Variants in DPP10 observed in about 807,000 individuals in gnomAD.
DPP10 encodes the protein inactive dipeptidyl peptidase 10.
In DPP10, 33 loss-of-function variants were observed where a neutral mutation model predicts 120.9. The ratio of observed to expected loss-of-function variants is 0.27; its 90% CI spans 0.21 to 0.37. The LOEUF (loss-of-function observed/expected upper bound fraction) is 0.37, where lower values mean the gene tolerates loss of function less well. Among genes scored for constraint, DPP10 ranks in the 10% least tolerant of loss-of-function variants. DPP10 has a pLI of 1.00. For missense variants in DPP10, 816 were observed against 942.8 expected (o/e 0.87, Z 1.76); for synonymous variants, 337 against 326.1 (o/e 1.03, Z -0.36).
chr2:114,462,142 T>C, intron 1 of DPP10: 4 of 985,382 alleles, frequency 4.1e-6, no homozygotes, highest in Non-Finnish European at 4.8e-6. Context: ...TAACACCAGG[T>C]AATTTTCTTT....
chr2:115,581,930 C>G (rs2082023090), intron 5 of DPP10, among the ~76,000 whole-genome samples: 2 of 152,252 alleles, frequency 1.3e-5, no homozygotes, highest in South Asian at 4.1e-4. Flanking sequence ...TCTGTAGCAA[C>G]TCTATTCTTG....
chr2:115,145,147 A>T (rs1051824220), intron 1 of DPP10: 4 of 150,958 alleles, frequency 2.6e-5, no homozygotes, highest in Admixed American at 2.6e-4. Flanking sequence ...GTGTGTCAGA[A>T]AAAAAAAAGA....
intron 5 of DPP10, among the ~76,000 whole-genome samples, chr2:115,677,997 G>C (rs568971506): frequency 3.3e-5 from 5 of 152,098 alleles, no homozygotes; most frequent in Non-Finnish European, 5.9e-5. Context: ...ATATTATTTA[G>C]CATTAATTAT....
At chr2:115,331,289 C>T (rs1008913210) in intron 2 of DPP10, among the ~76,000 whole-genome samples, 1 of 152,136 alleles carries the variant, frequency 6.6e-6, no homozygotes, top group Non-Finnish European at 1.5e-5. Context: ...TGAGATTTTG[C>T]TGAAGTTGCT....
chr2:114,741,830 C>G (rs1483199407), intron 1 of DPP10, among the ~76,000 whole-genome samples: 1 of 152,134 alleles, frequency 6.6e-6, no homozygotes, highest in Non-Finnish European at 1.5e-5. Flanking sequence ...CTGAAAGAGG[C>G]AAGAAAGGAT....
In DPP10 at chr2:114,599,976, A is replaced by G; in HGVS notation, c.60+157138A>G. ...TTTTATAAATTTGTCTTTTGTTTTT[A>G]GAAATATGACTATTATGTATCTAGG... On this transcript the variant is annotated intron_variant, in intron 1 of 25. Transcript: ENST00000410059. Among the ~76,000 whole-genome samples, 5 of 151,828 alleles carry G rather than the reference A, an allele frequency of 3.3e-5. No individual in the cohort carries two copies. In the South Asian group the frequency reaches 1.0e-3, roughly 31 times the overall value.
At chr2:115,741,129 CA>C (rs572027048) in intron 9 of DPP10, among the ~76,000 whole-genome samples, 29 of 151,360 alleles carry the variant, frequency 1.9e-4, no homozygotes, top group Non-Finnish European at 3.7e-4. Flanking sequence ...TATCCAAAGG[CA>C]AAAAAAGGAG....
At chr2:115,118,689 C>T (rs1559116196) in intron 1 of DPP10, among the ~76,000 whole-genome samples, 3 of 152,132 alleles carry the variant, frequency 2.0e-5, no homozygotes, top group African/African-American at 7.2e-5. Flanking sequence ...AAGCAATTCT[C>T]CTGCCTCAGT....
intron 5 of DPP10, among the ~76,000 whole-genome samples, chr2:115,535,216 G>C: frequency 6.6e-6 from 1 of 151,482 alleles, no homozygotes; most frequent in East Asian, 1.9e-4. Flanking sequence ...GTATTGCCTA[G>C]GTTTTCTTCT....
chr2:114,609,424 G>C (rs1258388511), intron 1 of DPP10, among the ~76,000 whole-genome samples: 1 of 152,124 alleles, frequency 6.6e-6, no homozygotes, highest in African/African-American at 2.4e-5. Flanking sequence ...CTGTAGGGAA[G>C]CCTGGGATGG....
chr2:114,990,651 T>C (rs534160969), intron 1 of DPP10, among the ~76,000 whole-genome samples: 2 of 152,330 alleles, frequency 1.3e-5, no homozygotes, highest in East Asian at 3.9e-4. Context: ...GTATTTATTT[T>C]TCTCTTTCCT....
chr2:114,929,836 C>T (rs1695936277), intron 1 of DPP10, among the ~76,000 whole-genome samples: 1 of 152,132 alleles, frequency 6.6e-6, no homozygotes, highest in Non-Finnish European at 1.5e-5. Context: ...GATAAATGTC[C>T]ATGAAATCTT....
At chr2:114,455,600 A>C (rs971131258) in intron 1 of DPP10, among the ~76,000 whole-genome samples, 2 of 151,928 alleles carry the variant, frequency 1.3e-5, no homozygotes, top group East Asian at 1.9e-4. Context: ...AACTTATTTC[A>C]TTGGAGTTTG....
chr2:115,644,981 G>A (rs2087112397), intron 5 of DPP10, among the ~76,000 whole-genome samples: 1 of 152,106 alleles, frequency 6.6e-6, no homozygotes, highest in African/African-American at 2.4e-5. Flanking sequence ...GAGTAAGTCA[G>A]AGGAAAACTG....
chr2:114,749,711 G>T (rs1460840196), intron 1 of DPP10, among the ~76,000 whole-genome samples: 3 of 151,764 alleles, frequency 2.0e-5, no homozygotes, highest in Non-Finnish European at 4.4e-5. Context: ...AACAAGCCGG[G>T]ATTACAGGCA....
intron 19 of DPP10, among the ~76,000 whole-genome samples, chr2:115,793,966 G>A (rs1684264886): frequency 6.6e-6 from 1 of 152,012 alleles, no homozygotes; most frequent in African/African-American, 2.4e-5. Context: ...AGCAAAAGTA[G>A]AAAGTGTTTT....
At chr2:114,453,398 T>G (rs1012539013) in intron 1 of DPP10, among the ~76,000 whole-genome samples, 7 of 152,196 alleles carry the variant, frequency 4.6e-5, no homozygotes, top group Non-Finnish European at 5.9e-5. Flanking sequence ...GTGTTTTCTT[T>G]CCTTCATTTC....
At chr2:114,494,101 C>CAAAAAAAAAAAAAA (rs58552540) in intron 1 of DPP10, among the ~76,000 whole-genome samples, 14 of 77,170 alleles carry the variant, frequency 1.8e-4, no homozygotes, top group East Asian at 4.2e-4. Context: ...AGCAATAAGG[C>CAAAAAAAAAAAAAA]AAAAAAAAAA....
At chr2:114,666,055 T>G (rs978199023) in intron 1 of DPP10, among the ~76,000 whole-genome samples, 21 of 152,190 alleles carry the variant, frequency 1.4e-4, no homozygotes, top group African/African-American at 4.8e-4. Context: ...TTTCTGAGTT[T>G]TATCTTATAT....
Sources: gnomAD v4.1 joint callset for allele counts (sites outside exome capture counted in the v4.1 genomes callset) on GRCh38, gnomAD v4.1.1 for gene constraint, MANE v1.5 for transcripts, NCBI Gene and HGNC (gene_info 2026-07-23, HGNC 2026-07-21) for gene names.